KHDRBS2: variants seen among roughly 807,000 people sequenced by gnomAD.
The protein encoded by KHDRBS2 is KH domain-containing, RNA-binding, signal transduction-associated protein 2.
In KHDRBS2, 26 loss-of-function variants were observed where a neutral mutation model predicts 44.3. That is an observed-to-expected ratio of 0.59 (90% CI 0.43 to 0.81). The LOEUF is 0.81. KHDRBS2 is among the 40% of genes least tolerant of loss of function. The probability of loss-of-function intolerance (pLI) is 0.00; values close to 1 mark genes in which losing one functional copy is unlikely to be tolerated. For synonymous variants in KHDRBS2, 194 were observed against 151.1 expected (o/e 1.28, Z -2.08); for missense variants, 476 against 433.1 (o/e 1.10, Z -0.88).
chr6:61,809,510 G>GA (rs1787762991), intron 6 of KHDRBS2, among the ~76,000 whole-genome samples: 1 of 151,942 alleles, frequency 6.6e-6, no homozygotes, highest in Non-Finnish European at 1.5e-5. Context: ...AATACCTTAA[G>GA]AAAAAAATTG....
chr6:61,717,543 T>C (rs7766165), intron 7 of KHDRBS2, among the ~76,000 whole-genome samples: 54,537 of 151,944 alleles, frequency 0.36, 10,507 homozygotes, highest in East Asian at 0.48. Flanking sequence ...CATCATAGAC[T>C]ATAGCATTGA....
the KHDRBS2 span, among the ~76,000 whole-genome samples, chr6:61,629,917 CT>C: frequency 6.6e-6 from 1 of 152,276 alleles, no homozygotes; most frequent in Middle Eastern, 3.4e-3. Flanking sequence ...TCAGATCTTG[CT>C]TTGTCAAATA....
At chr6:61,764,937 TA>T (rs1211312019) in intron 6 of KHDRBS2, among the ~76,000 whole-genome samples, 11 of 139,528 alleles carry the variant, frequency 7.9e-5, no homozygotes, top group Non-Finnish European at 1.1e-4. Context: ...TTGTACTTTT[TA>T]AAAAAAATCA....
At chr6:62,200,471 A>G (rs1826712176) in intron 1 of KHDRBS2, among the ~76,000 whole-genome samples, 1 of 152,272 alleles carries the variant, frequency 6.6e-6, no homozygotes, top group Non-Finnish European at 1.5e-5. Context: ...TGCAGCCAAA[A>G]GACACATGAA....
intron 3 of KHDRBS2, among the ~76,000 whole-genome samples, chr6:62,028,137 C>A (rs1156635536): frequency 6.6e-6 from 1 of 152,014 alleles, no homozygotes; most frequent in Non-Finnish European, 1.5e-5. Flanking sequence ...GTAGGACATC[C>A]TGCCAGTGTC....
chr6:62,277,750 T>A (rs1433777714), intron 1 of KHDRBS2, among the ~76,000 whole-genome samples: 1 of 149,708 alleles, frequency 6.7e-6, no homozygotes. Context: ...AACTAAAATA[T>A]AAGGTAAATA....
chr6:62,224,473 T>C (rs1831431012), intron 1 of KHDRBS2, among the ~76,000 whole-genome samples: 2 of 152,204 alleles, frequency 1.3e-5, no homozygotes, highest in Non-Finnish European at 2.9e-5. Flanking sequence ...CTCTTTCATC[T>C]GGTATTAAGA....
At chr6:62,272,764 T>C (rs1054253925) in intron 1 of KHDRBS2, among the ~76,000 whole-genome samples, 3 of 152,314 alleles carry the variant, frequency 2.0e-5, no homozygotes, top group African/African-American at 7.2e-5. Context: ...AGAACAGTCC[T>C]ATAAAAGGAG....
the KHDRBS2 span, among the ~76,000 whole-genome samples, chr6:61,585,423 A>G: frequency 6.6e-6 from 1 of 152,120 alleles, no homozygotes; most frequent in East Asian, 1.9e-4. Context: ...AGGAAATACA[A>G]GGAAAGTTTG....
At chr6:61,891,812 C>A (rs994026921) in intron 6 of KHDRBS2, among the ~76,000 whole-genome samples, 1 of 152,168 alleles carries the variant, frequency 6.6e-6, no homozygotes, top group African/African-American at 2.4e-5. Flanking sequence ...TGGGCAAAAA[C>A]TGGAAGTATT....
At chr6:61,596,214 C>T in the KHDRBS2 span, among the ~76,000 whole-genome samples, 1 of 152,174 alleles carries the variant, frequency 6.6e-6, no homozygotes, top group Non-Finnish European at 1.5e-5. Context: ...GCAGCCCTTA[C>T]AGCTTCAGCT....
chr6:61,675,421 A>G (rs1384903117), downstream of KHDRBS2, among the ~76,000 whole-genome samples: 4 of 151,598 alleles, frequency 2.6e-5, no homozygotes, highest in Non-Finnish European at 5.9e-5. Flanking sequence ...AAAAGTGAAA[A>G]TTATCTAAAT....
intron 4 of KHDRBS2, among the ~76,000 whole-genome samples, chr6:61,950,029 G>A (rs541654911): frequency 8.5e-5 from 13 of 152,136 alleles, no homozygotes; most frequent in Admixed American, 7.2e-4. Context: ...AAAGCTGGTT[G>A]TTGTTATTTC....
chr6:61,889,110 T>C (rs1801418818), intron 6 of KHDRBS2, among the ~76,000 whole-genome samples: 2 of 152,194 alleles, frequency 1.3e-5, no homozygotes, highest in Admixed American at 1.3e-4. Flanking sequence ...TTATATATGA[T>C]AAAATTTTAT....
chr6:62,173,865 C>T (rs1010641439), intron 2 of KHDRBS2, among the ~76,000 whole-genome samples: 3 of 151,818 alleles, frequency 2.0e-5, no homozygotes, highest in Non-Finnish European at 4.4e-5. Flanking sequence ...TTCAACATCC[C>T]TTCATGTTAA....
intron 1 of KHDRBS2, among the ~76,000 whole-genome samples, chr6:62,284,980 C>T (rs747032127): frequency 6.6e-6 from 1 of 151,916 alleles, no homozygotes; most frequent in Non-Finnish European, 1.5e-5. Flanking sequence ...ATTAATGAAG[C>T]ATTCATCTAA....
chr6:62,017,087 A>G (rs1469490857), intron 3 of KHDRBS2, among the ~76,000 whole-genome samples: 2 of 152,134 alleles, frequency 1.3e-5, no homozygotes, highest in African/African-American at 4.8e-5. Context: ...TTTATAAGGT[A>G]TATCAAATGA....
intron 2 of KHDRBS2, among the ~76,000 whole-genome samples, chr6:62,067,166 T>A (rs1264439154): frequency 3.3e-5 from 5 of 151,546 alleles, no homozygotes; most frequent in Admixed American, 6.6e-5. Context: ...CCAGTTAGTA[T>A]TCCCATCCGC....
At chr6:62,127,360 A>G (rs1809214699) in intron 2 of KHDRBS2, among the ~76,000 whole-genome samples, 1 of 152,068 alleles carries the variant, frequency 6.6e-6, no homozygotes, top group Admixed American at 6.6e-5. Context: ...CCACTATTAA[A>G]CTCCCTCTTA....
Sources: allele counts gnomAD v4.1 joint callset (sites outside exome capture counted in the v4.1 genomes callset), GRCh38; gene constraint gnomAD v4.1.1; transcripts MANE v1.5; gene names NCBI Gene and HGNC (gene_info 2026-07-23, HGNC 2026-07-21).